The following ZNF25 variants were observed in gnomAD, a reference collection of about 807,000 sequenced individuals.
ZNF25 encodes the protein zinc finger protein 25 (KOX 19).
A neutral mutation model predicts 30.9 loss-of-function variants in ZNF25; 21 were observed. The ratio of observed to expected loss-of-function variants is 0.68; its 90% confidence interval spans 0.48 to 0.98. The LOEUF is 0.98. Among genes scored for constraint, ZNF25 ranks in the 50% least tolerant of loss-of-function variants. ZNF25 has a pLI of 0.00. For missense variants in ZNF25, 501 were observed against 529.9 expected (o/e 0.95, Z 0.54); for synonymous variants, 169 against 181.3 (o/e 0.93, Z 0.55).
chr10:37,952,338 A>G lies in ZNF25; in HGVS notation c.1160T>C (p.Leu387Ser). Residue 387 changes from leucine (L) to serine (S), a missense_variant, in exon 6 of 6, where the codon TTA (leucine) becomes TCA (serine). Physicochemically the swap from Leu to Ser is moderately radical, Grantham distance 145 (BLOSUM62 -2). Coordinates refer to ENST00000302609, the MANE Select transcript of ZNF25 (RefSeq NM_145011.4). Reference sequence around the variant, plus strand: ...CTCTCCTGTGTGAGTCCTTTGATGTAATCTGAGGACTGAATTCACAGCAAA... The same window carrying G: ...CTCTCCTGTGTGAGTCCTTTGATGTGATCTGAGGACTGAATTCACAGCAAA... ...KSFAVNSVLRLHQRTHTGEKP... is the reference protein window; with the variant it reads ...KSFAVNSVLRSHQRTHTGEKP... The G allele has an allele frequency of 6.2e-7, 1 of 1,612,818 alleles. No individual in the cohort carries two copies. The highest frequency in any genetic ancestry group is 8.5e-7 in the Non-Finnish European group (1 of 1,179,650).
At chr10:37,971,630 AACACACACAC>A (rs4007126) in intron 2 of ZNF25, 68 bp downstream of exon 2, 37,507 of 1,374,778 alleles carry the variant, frequency 0.027, 139 homozygotes, top group East Asian at 0.11. Context: ...AAACTCATTA[AACACACACAC>A]ACACACACAC....
chr10:37,950,164 A>T lies in ZNF25; in HGVS notation c.*1963T>A, dbSNP rs1441328429. 6.6e-6 allele frequency: 1 copy of T among 152,578 alleles called. No individual in the cohort carries two copies. The highest frequency in any genetic ancestry group is 6.6e-5 in the Admixed American group (1 of 15,264). The allele number at this position is 152,578 out of a possible 1,614,324, so 9.5% of individuals were successfully genotyped here. A position where few individuals can be genotyped will look rare whatever the true frequency, so the allele number is the denominator to read the frequency against. ...AAAAACTTACTTTGTAAAGTGCTAG[A>T]TCTTAGGCTCAAGGGCATGTGGTGT... On this transcript the variant is annotated 3_prime_UTR_variant, in exon 6 of 6. Transcript: ENST00000302609.
chr10:37,975,091 G>A (rs113573450), intron 1 of ZNF25, among the ~76,000 whole-genome samples: 1,621 of 152,276 alleles, frequency 0.011, 15 homozygotes, highest in Middle Eastern at 0.024. Flanking sequence ...TAGAATGATG[G>A]TTACCAGAGG....
Position 37,952,729 on chromosome 10 carries a change from G to T in ZNF25, c.769C>A (p.Pro257Thr), listed in dbSNP as rs746616775. The T allele has an allele frequency of 1.9e-5, 30 of 1,613,812 alleles. No homozygotes were observed. Among genetic ancestry groups the T allele is most frequent in the Non-Finnish European group, 2.5e-5 (30 of 1,179,982 alleles). Residue 257 changes from proline (P) to threonine (T), a missense_variant, in exon 6 of 6, where the codon CCC (proline) becomes ACC (threonine). Coordinates refer to ENST00000302609, the MANE Select transcript of ZNF25 (RefSeq NM_145011.4). ...VHQKTHTGEK[P>T]YECKECGKAF... ...TTCCCACACTCCTTACACTCATAGG[G>T]TTTCTCCCCTGTGTGTGTTTTCTGA...
chr10:37,954,706 C>T (rs2062405325), intron 4 of ZNF25, among the ~76,000 whole-genome samples: 1 of 152,240 alleles, frequency 6.6e-6, no homozygotes, highest in African/African-American at 2.4e-5. Flanking sequence ...CTTTAGTGAC[C>T]TTCATATTTA....
rs755656310 is a variant in ZNF25, at chr10:37,950,362, A to C, written c.*1765T>G. 6.6e-6 allele frequency: 1 copy of C among 152,464 alleles called. No homozygotes were observed. The highest frequency in any genetic ancestry group is 1.5e-5 in the Non-Finnish European group (1 of 68,046). 9.4% of individuals were successfully genotyped at this position (152,464 alleles called of 1,614,324 possible). On this transcript the variant is annotated 3_prime_UTR_variant, in exon 6 of 6. Coordinates refer to ENST00000302609, the MANE Select transcript of ZNF25 (RefSeq NM_145011.4). ...TATTCTTTGATTCTTTCAACCATTTAGAAATATAAAACCATTCTTAGCTTG... is the reference window on the plus strand; with the variant it reads ...TATTCTTTGATTCTTTCAACCATTTCGAAATATAAAACCATTCTTAGCTTG...
At chr10:37,971,630 A>AACACACACACACACACAC (rs4007126) in intron 2 of ZNF25, 78 bp downstream of exon 2, 3 of 1,389,722 alleles carry the variant, frequency 2.2e-6, no homozygotes, top group Non-Finnish European at 3.0e-6. Context: ...AAACTCATTA[A>AACACACACACACACACAC]ACACACACAC....
intron 1 of ZNF25, among the ~76,000 whole-genome samples, chr10:37,976,067 C>T (rs1353988673): frequency 6.6e-6 from 1 of 152,218 alleles, no homozygotes; most frequent in African/African-American, 2.4e-5. Context: ...ATAGAAGCAG[C>T]TCACCTTTAT....
chr10:37,961,781 C>T (rs939420413), intron 2 of ZNF25, among the ~76,000 whole-genome samples: 8 of 150,672 alleles, frequency 5.3e-5, no homozygotes, highest in South Asian at 2.1e-4. Flanking sequence ...ATTAGCCAGG[C>T]GTGGTGGCTC....
intron 2 of ZNF25, among the ~76,000 whole-genome samples, chr10:37,970,418 A>T (rs1202374263): frequency 6.6e-6 from 1 of 152,236 alleles, no homozygotes; most frequent in Non-Finnish European, 1.5e-5. Context: ...GACAAAATTC[A>T]AGATCCATTC....
chr10:37,958,054 C>T (rs942896003), intron 2 of ZNF25, among the ~76,000 whole-genome samples: 4 of 152,102 alleles, frequency 2.6e-5, no homozygotes, highest in East Asian at 1.9e-4. Flanking sequence ...GATGTTTGCA[C>T]GATGAAGTCA....
chr10:37,975,712 T>C (rs1431199106), intron 1 of ZNF25, among the ~76,000 whole-genome samples: 2 of 152,110 alleles, frequency 1.3e-5, no homozygotes, highest in South Asian at 2.1e-4. Flanking sequence ...CCTTAAATAA[T>C]TCACCTTTTG....
Position 37,953,080 on chromosome 10 carries a change from G to A in ZNF25, c.418C>T (p.His140Tyr). ...CAGTCATAGGATTTGCCCTTTGAGT[G>A]AGTATGCTGATGTACTATGAGGGCA... Reference protein sequence around the residue: ...KSALIVHQHTHSKGKSYDCDK... With the variant: ...KSALIVHQHTYSKGKSYDCDK... Residue 140 changes from histidine to tyrosine, a missense_variant, in exon 6 of 6, where the codon CAC becomes TAC. Coordinates refer to ENST00000302609, the MANE Select transcript of ZNF25 (RefSeq NM_145011.4). The A allele has an allele frequency of 6.2e-7, 1 of 1,613,910 alleles. No homozygotes were observed. The highest frequency in any genetic ancestry group is 8.5e-7 in the Non-Finnish European group (1 of 1,179,982).
chr10:37,973,771 G>GA (rs898907249), intron 1 of ZNF25, among the ~76,000 whole-genome samples: 11 of 151,620 alleles, frequency 7.3e-5, no homozygotes, highest in Admixed American at 4.6e-4. Context: ...ACAGAAATAG[G>GA]AAAAAAAATC....
intron 2 of ZNF25, among the ~76,000 whole-genome samples, chr10:37,959,524 T>G (rs547379830): frequency 1.3e-5 from 2 of 152,326 alleles, no homozygotes; most frequent in East Asian, 3.9e-4. Context: ...CTCTAATTAT[T>G]GCTTTATTTA....
chr10:37,958,452 G>A (rs1358112058), intron 2 of ZNF25, among the ~76,000 whole-genome samples: 1 of 152,160 alleles, frequency 6.6e-6, no homozygotes, highest in Non-Finnish European at 1.5e-5. Flanking sequence ...TGTACTTACG[G>A]TAAGGCATAG....
intron 1 of ZNF25, 46 bp from the exon 2 acceptor site, chr10:37,971,853 G>A: frequency 7.8e-7 from 1 of 1,281,706 alleles, no homozygotes; most frequent in South Asian, 1.2e-5. Flanking sequence ...ATATACCTTT[G>A]AGAAAATGTC....
At chr10:37,961,960 G>C (rs1196002796) in intron 2 of ZNF25, among the ~76,000 whole-genome samples, 4 of 149,110 alleles carry the variant, frequency 2.7e-5, no homozygotes, top group African/African-American at 9.9e-5. Context: ...CAGATGGCCA[G>C]GTGCAATGGC....
At chr10:37,957,196 G>C in intron 3 of ZNF25, 81 bp from the exon 4 acceptor site, 1 of 1,423,914 alleles carries the variant, frequency 7.0e-7, no homozygotes, top group Non-Finnish European at 9.8e-7. Flanking sequence ...TGGAGTTTCA[G>C]GATAATAATG....
Sources: allele counts gnomAD v4.1 joint callset (sites outside exome capture counted in the v4.1 genomes callset), GRCh38; gene constraint gnomAD v4.1.1; transcripts MANE v1.5; gene names NCBI Gene and HGNC (gene_info 2026-07-23, HGNC 2026-07-21).